ABCA13: variants seen among roughly 807,000 people sequenced by gnomAD.
The protein encoded by ABCA13 is ATP binding cassette subfamily A member 13, also known as ATP-binding cassette sub-family A member 13.
A neutral mutation model predicts 478.7 loss-of-function variants in ABCA13; 476 were observed. That is an observed-to-expected ratio of 0.99 (90% CI 0.92 to 1.07). The LOEUF (loss-of-function observed/expected upper bound fraction) is 1.07. Among genes scored for constraint, ABCA13 ranks in the 50% least tolerant of loss-of-function variants. ABCA13 has a pLI of 0.00. For missense variants in ABCA13, 6,060 were observed against 5,910.6 expected (o/e 1.03, Z -0.83); for synonymous variants, 2,252 against 2,158.9 (o/e 1.04, Z -1.20).
chr7:48,603,162 A>G (rs1658985119), intron 58 of ABCA13, among the ~76,000 whole-genome samples: 1 of 152,148 alleles, frequency 6.6e-6, no homozygotes, highest in Non-Finnish European at 1.5e-5. Context: ...ATATATAGTC[A>G]TGTCAACTGC....
rs1221666307 is a variant in ABCA13, at chr7:48,376,554, T to C, written c.11317T>C (p.Leu3773=). The change falls in exon 35 of 62, where the codon TTG becomes CTG. Residue 3773 remains leucine (L), a synonymous_variant. Coordinates refer to ENST00000435803, the MANE Select transcript of ABCA13 (RefSeq NM_152701.5). The part of the protein sequence containing the change: ...SSLYFLCGWY[L]SNLIPGTFGL... The stretch of plus-strand genomic sequence containing the variant: ...CCTTTATTTTTTGTGTGGATGGTAC[T>C]TGAGCAACTTGATTCCTGGTAAGAA... 6.2e-7 allele frequency: 1 copy of C among 1,613,762 alleles called. No individual in the cohort carries two copies. Among genetic ancestry groups the C allele is most frequent in the Non-Finnish European group, 8.5e-7 (1 of 1,179,790 alleles).
intron 57 of ABCA13, among the ~76,000 whole-genome samples, chr7:48,590,816 T>C (rs1789654291): frequency 6.6e-6 from 1 of 152,168 alleles, no homozygotes; most frequent in Non-Finnish European, 1.5e-5. Context: ...GTTTTTTGTC[T>C]ATTTTTAATT....
intron 27 of ABCA13, among the ~76,000 whole-genome samples, chr7:48,332,377 G>A (rs142716292): frequency 6.6e-6 from 1 of 152,178 alleles, no homozygotes; most frequent in South Asian, 2.1e-4. Flanking sequence ...ACATACACAC[G>A]TGGCTTACCA....
intron 55 of ABCA13, among the ~76,000 whole-genome samples, chr7:48,540,634 A>G (rs745714843): frequency 1.3e-5 from 2 of 152,100 alleles, no homozygotes; most frequent in Non-Finnish European, 2.9e-5. Flanking sequence ...CTACTCATTC[A>G]TTCAATATAT....
intron 45 of ABCA13, among the ~76,000 whole-genome samples, chr7:48,475,973 C>T (rs1461669498): frequency 6.6e-6 from 1 of 152,160 alleles, no homozygotes; most frequent in Non-Finnish European, 1.5e-5. Context: ...TGACCCAAAA[C>T]ATGTCATCGG....
intron 7 of ABCA13, 85 bp from the exon 8 acceptor site, chr7:48,233,933 A>T: frequency 6.7e-7 from 1 of 1,503,080 alleles, no homozygotes; most frequent in Non-Finnish European, 9.0e-7. Flanking sequence ...TTAGAGGTGA[A>T]AAAAGGTATT....
At chr7:48,637,828 T>C (rs1794797498) in intron 59 of ABCA13, among the ~76,000 whole-genome samples, 1 of 152,192 alleles carries the variant, frequency 6.6e-6, no homozygotes, top group African/African-American at 2.4e-5. Flanking sequence ...GAAGGAAATA[T>C]TGTTTTCATT....
intron 61 of ABCA13, 92 bp downstream of exon 61, chr7:48,644,846 T>A: frequency 8.0e-7 from 1 of 1,252,222 alleles, no homozygotes; most frequent in Admixed American, 2.6e-5. Flanking sequence ...ATTGCTTCAA[T>A]TCACCACTTT....
chr7:48,389,740 A>G (rs1043695126), intron 37 of ABCA13, among the ~76,000 whole-genome samples: 30 of 152,358 alleles, frequency 2.0e-4, no homozygotes, highest in Middle Eastern at 3.4e-3. Context: ...AAAGAATCAA[A>G]TCATGTGCTC....
intron 23 of ABCA13, among the ~76,000 whole-genome samples, chr7:48,304,503 A>G (rs984723882): frequency 2.6e-5 from 4 of 152,164 alleles, no homozygotes; most frequent in African/African-American, 7.2e-5. Context: ...TGACTTTTTA[A>G]TAATAGCCTT....
In ABCA13 at chr7:48,370,456, TC is replaced by T. The variant is rs565748064; in HGVS notation, c.10804-1710del. On this transcript the variant is annotated intron_variant, in intron 32 of 61. Coordinates refer to ENST00000435803, the MANE Select transcript of ABCA13 (RefSeq NM_152701.5). ...TGAATAGTAGTGGTGAAAGTGGGCA[TC>T]CTTATCTTGTTCCAGTTCTCAGAGG... Among the ~76,000 whole-genome samples, 38 of 152,292 alleles carry T rather than the reference TC, an allele frequency of 2.5e-4. No homozygotes were observed. In the East Asian group the frequency reaches 7.1e-3, roughly 29 times the overall value.
intron 46 of ABCA13, among the ~76,000 whole-genome samples, chr7:48,482,465 C>T (rs1469342211): frequency 6.6e-6 from 1 of 152,044 alleles, no homozygotes; most frequent in Non-Finnish European, 1.5e-5. Flanking sequence ...GTAACCTCCG[C>T]CTCCCAGGTT....
chr7:48,281,451 AG>A lies in ABCA13; in HGVS notation c.8836+1del. On this transcript the variant is annotated frameshift_variant and splice_region_variant, in exon 19 of 62. Transcript: ENST00000435803. LOFTEE classifies it high-confidence loss of function. ...MVVRVLTIVA[E>X]NPSWTKDILC... ...TCGTACGTGTGCTCACCATCGTTGC[AG>A]GTGGGCTGCTCATATAACAAGTGCT... The A allele has an allele frequency of 1.9e-6, 3 of 1,589,472 alleles. No individual in the cohort carries two copies. Among genetic ancestry groups the A allele is most frequent in the Non-Finnish European group, 2.6e-6 (3 of 1,167,320 alleles).
intron 55 of ABCA13, among the ~76,000 whole-genome samples, chr7:48,576,902 T>C (rs556754087): frequency 1.3e-5 from 2 of 152,194 alleles, no homozygotes; most frequent in African/African-American, 4.8e-5. Context: ...CACAATGGAA[T>C]TAAACTAGAA....
intron 53 of ABCA13, 81 bp downstream of exon 53, chr7:48,520,375 T>A: frequency 6.9e-7 from 1 of 1,443,048 alleles, no homozygotes; most frequent in Non-Finnish European, 9.2e-7. Context: ...CTGGAGGTTG[T>A]AAAATAAAAA....
At chr7:48,375,778 G>C (rs1563148260) in intron 34 of ABCA13, among the ~76,000 whole-genome samples, 1 of 152,046 alleles carries the variant, frequency 6.6e-6, no homozygotes, top group Non-Finnish European at 1.5e-5. Flanking sequence ...AATCTTGAAT[G>C]ATTTCTTCTA....
At chr7:48,495,547 T>C (rs1376360290) in intron 48 of ABCA13, among the ~76,000 whole-genome samples, 1 of 152,198 alleles carries the variant, frequency 6.6e-6, no homozygotes. Context: ...AATTAGATCC[T>C]GTTGGTTGAT....
chr7:48,190,671 T>C (rs531873788), intron 1 of ABCA13, among the ~76,000 whole-genome samples: 4 of 152,324 alleles, frequency 2.6e-5, no homozygotes, highest in East Asian at 3.9e-4. Context: ...ATTTTCATGA[T>C]GAAGTGATTG....
At chr7:48,391,688 G>T (rs762564600) in intron 37 of ABCA13, among the ~76,000 whole-genome samples, 7 of 152,120 alleles carry the variant, frequency 4.6e-5, no homozygotes, top group Non-Finnish European at 8.8e-5. Context: ...CAGAAGTCAA[G>T]GAGCATTTTT....
Sources: allele counts gnomAD v4.1 joint callset (sites outside exome capture counted in the v4.1 genomes callset), GRCh38; gene constraint gnomAD v4.1.1; transcripts MANE v1.5; gene names NCBI Gene and HGNC (gene_info 2026-07-23, HGNC 2026-07-21).